SH3GL1: variants seen among roughly 807,000 people sequenced by gnomAD.
The protein encoded by SH3GL1 is endophilin-A2.
SH3GL1 carries 21 observed loss-of-function variants against 48.8 expected under a neutral mutation model. That is an observed-to-expected ratio of 0.43 (90% confidence interval 0.30 to 0.62). The LOEUF (loss-of-function observed/expected upper bound fraction) is 0.62. Among genes scored for constraint, SH3GL1 ranks in the 20% least tolerant of loss-of-function variants. SH3GL1 has a pLI of 0.11. For synonymous variants in SH3GL1, 282 were observed against 217.5 expected, an observed-to-expected ratio of 1.30 and a Z score of -2.61; for missense variants, 454 against 503.0, an observed-to-expected ratio of 0.90 and a Z score of 0.93.
intron 1 of SH3GL1, among the ~76,000 whole-genome samples, chr19:4,382,632 A>G (rs1048485300): frequency 6.6e-5 from 10 of 152,124 alleles, no homozygotes; most frequent in African/African-American, 9.7e-5. Flanking sequence ...TCCCACCCCC[A>G]GGTCCGTACC....
intron 1 of SH3GL1, among the ~76,000 whole-genome samples, chr19:4,399,879 C>T (rs72988719): frequency 6.6e-6 from 1 of 152,222 alleles, no homozygotes; most frequent in South Asian, 2.1e-4. Context: ...AAACTGACTT[C>T]TTCCTCTACC....
intron 4 of SH3GL1, 96 bp downstream of exon 4, chr19:4,365,386 C>G: frequency 6.6e-7 from 1 of 1,524,032 alleles, no homozygotes; most frequent in Non-Finnish European, 9.0e-7. Flanking sequence ...TGTACGTCCC[C>G]GGCACTCAGC....
intron 1 of SH3GL1, among the ~76,000 whole-genome samples, chr19:4,385,817 C>T (rs533913406): frequency 5.3e-5 from 8 of 152,218 alleles, no homozygotes; most frequent in South Asian, 2.1e-4. Context: ...AGCATTCCAG[C>T]GGCCTCCGAG....
At position 4,361,815 on chromosome 19, in the gene SH3GL1, T is replaced by C. The variant is rs1288951120; in HGVS notation, c.911-19A>G. The C allele has an allele frequency of 8.9e-6, 14 of 1,578,820 alleles. No homozygotes were observed. Among genetic ancestry groups the C allele is most frequent in the South Asian group, 7.7e-5 (7 of 90,488 alleles). On this transcript the variant is annotated intron_variant, in intron 9 of 9. Transcript: ENST00000269886. Reference sequence around the variant, plus strand: ...AGGGGCGCTGGGGGCGGGAGCGGGCTGTGGGGCTGGGGCTGCTACGCCTCA... The same window carrying C: ...AGGGGCGCTGGGGGCGGGAGCGGGCCGTGGGGCTGGGGCTGCTACGCCTCA...
intron 4 of SH3GL1, chr19:4,364,650 C>T (rs143740650): frequency 1.1e-4 from 19 of 173,738 alleles, no homozygotes; most frequent in African/African-American, 4.1e-4. Context: ...ACACCGGTCT[C>T]GAACTCCTGA....
chr19:4,364,792 G>C (rs1259237793), intron 4 of SH3GL1, among the ~76,000 whole-genome samples: 1 of 151,064 alleles, frequency 6.6e-6, no homozygotes, highest in Non-Finnish European at 1.5e-5. Flanking sequence ...TCCACCTCCT[G>C]GGTTCAAGTG....
At chr19:4,397,593 C>T (rs1021908135) in intron 1 of SH3GL1, among the ~76,000 whole-genome samples, 2 of 152,184 alleles carry the variant, frequency 1.3e-5, no homozygotes, top group Admixed American at 6.5e-5. Flanking sequence ...CCTCTGAGGA[C>T]ATCTTTCCTG....
chr19:4,388,155 G>A (rs377668456), intron 1 of SH3GL1, among the ~76,000 whole-genome samples: 1 of 152,226 alleles, frequency 6.6e-6, no homozygotes, highest in Non-Finnish European at 1.5e-5. Context: ...CATCGTGTCC[G>A]GCCTATTCCA....
At chr19:4,383,659 C>T (rs1973180518) in intron 1 of SH3GL1, among the ~76,000 whole-genome samples, 1 of 152,200 alleles carries the variant, frequency 6.6e-6, no homozygotes, top group Non-Finnish European at 1.5e-5. Context: ...CTCATCCCAG[C>T]CTCCTGGCAC....
In SH3GL1 at chr19:4,385,257, G is replaced by C. The variant is rs1973215415; in HGVS notation, c.45+15067C>G. Among the ~76,000 whole-genome samples, 3 of 152,186 alleles carry C rather than the reference G, an allele frequency of 2.0e-5. No homozygotes were observed. The South Asian group carries it at 6.2e-4, about 32-fold the overall frequency. On this transcript the variant is annotated intron_variant, in intron 1 of 9. Coordinates refer to ENST00000269886, the MANE Select transcript of SH3GL1 (RefSeq NM_003025.4). The stretch of plus-strand genomic sequence containing the variant: ...GCCCTGCTCTGGCTTCCTTGGGATG[G>C]GGTGGGGGCACCTGCTCATCTGCTG...
intron 1 of SH3GL1, among the ~76,000 whole-genome samples, chr19:4,374,603 C>T (rs2144885719): frequency 6.6e-6 from 1 of 152,372 alleles, no homozygotes; most frequent in South Asian, 2.1e-4. Context: ...GGCGTTTCTC[C>T]CGGGACAGCC....
intron 1 of SH3GL1, among the ~76,000 whole-genome samples, chr19:4,387,521 T>C (rs999249924): frequency 2.0e-5 from 3 of 151,630 alleles, no homozygotes; most frequent in Admixed American, 6.6e-5. Flanking sequence ...CTTGAACAAC[T>C]GGGCTAAAGC....
rs1424483719 is a variant in SH3GL1 at position 4,361,476 on chromosome 19, G to C, written c.*124C>G. Reference sequence around the variant, plus strand: ...TGCTCAGGGAGTACCTCAAGGGCCGGGGCCCAGGTGGCGCCGGCAGGCTCA... The same window carrying C: ...TGCTCAGGGAGTACCTCAAGGGCCGCGGCCCAGGTGGCGCCGGCAGGCTCA... On this transcript the variant is annotated 3_prime_UTR_variant, in exon 10 of 10. Transcript: ENST00000269886. 1.4e-6 allele frequency: 1 copy of C among 708,852 alleles called. No homozygotes were observed. The highest frequency in any genetic ancestry group is 2.4e-6 in the Non-Finnish European group (1 of 423,778). The allele number at this position is 708,852 out of a possible 1,614,324, so 43.9% of individuals were successfully genotyped here.
At chr19:4,382,260 T>C (rs1039679887) in intron 1 of SH3GL1, among the ~76,000 whole-genome samples, 1 of 141,096 alleles carries the variant, frequency 7.1e-6, no homozygotes, top group African/African-American at 2.6e-5. Context: ...TTTCTTTTTT[T>C]TTTTTTTTTT....
intron 1 of SH3GL1, among the ~76,000 whole-genome samples, chr19:4,379,728 T>C (rs1486937726): frequency 3.9e-5 from 6 of 152,252 alleles, no homozygotes; most frequent in Admixed American, 3.3e-4. Flanking sequence ...AACGTGCCTC[T>C]GTGCATGGGC....
In SH3GL1 at chr19:4,376,055, C is replaced by T. The variant is rs757096661; in HGVS notation, c.46-9061G>A. ...GGAAATGGTCTTGGAGAGAGAACTG[C>T]GGGGCATGGTGACAGCGGTGAGAGG... On this transcript the variant is annotated intron_variant, in intron 1 of 9. Transcript: ENST00000269886. The surrounding 1 kb of genome is among the most constrained non-coding windows in gnomAD (Gnocchi z 4.3). Among the ~76,000 whole-genome samples, 3 of 152,204 alleles carry T rather than the reference C, an allele frequency of 2.0e-5. No individual in the cohort carries two copies. The highest frequency in any genetic ancestry group is 3.9e-4 in the East Asian group (2 of 5,194).
At chr19:4,392,550 A>ACG (rs1374307569) in intron 1 of SH3GL1, among the ~76,000 whole-genome samples, 2 of 151,314 alleles carry the variant, frequency 1.3e-5, no homozygotes, top group African/African-American at 4.9e-5. Context: ...ACACACACAC[A>ACG]CACACACACA....
At position 4,360,459 on chromosome 19, in the gene SH3GL1, C is replaced by T. The variant is rs1156337841; in HGVS notation, c.*1141G>A. On this transcript the variant is annotated 3_prime_UTR_variant, in exon 10 of 10. Coordinates refer to ENST00000269886, the MANE Select transcript of SH3GL1 (RefSeq NM_003025.4). ...ACCGTGCCCAAAGCTGTGTGCTCAT[C>T]TCTGCGCCCCTCATGTACTTCTGAC... 8.5e-6 allele frequency: 2 copies of T among 235,472 alleles called. No individual in the cohort carries two copies. The highest frequency in any genetic ancestry group is 4.4e-5 in the African/African-American group (2 of 45,364). The allele number at this position is 235,472 out of a possible 1,614,324, so 14.6% of individuals were successfully genotyped here.
chr19:4,379,773 A>G (rs1973083815), intron 1 of SH3GL1, among the ~76,000 whole-genome samples: 1 of 152,158 alleles, frequency 6.6e-6, no homozygotes, highest in East Asian at 1.9e-4. Flanking sequence ...CCTCACTGCC[A>G]GGATGGCTGC....
Sources: gnomAD v4.1 joint callset for allele counts (sites outside exome capture counted in the v4.1 genomes callset) on GRCh38, gnomAD v4.1.1 for gene constraint, Gnocchi (gnomAD v3.1) non-coding constraint, MANE v1.5 for transcripts, NCBI Gene and HGNC (gene_info 2026-07-23, HGNC 2026-07-21) for gene names.